PVR: variants seen among roughly 807,000 people sequenced by gnomAD.
The protein encoded by PVR is poliovirus receptor.
PVR carries 39 observed loss-of-function variants against 43.3 expected under a neutral mutation model. That is an observed-to-expected ratio of 0.90 (90% CI 0.70 to 1.18). The LOEUF is 1.18. Ranked by LOEUF, PVR falls within the 50% of genes most tolerant of loss-of-function variation. The probability of loss-of-function intolerance (pLI) is 0.00; values close to 1 mark genes in which losing one functional copy is unlikely to be tolerated. For missense variants in PVR, 480 were observed against 549.7 expected, an observed-to-expected ratio of 0.87 and a Z score of 1.27; for synonymous variants, 224 against 233.2, an observed-to-expected ratio of 0.96 and a Z score of 0.36.
Position 44,657,655 on chromosome 19 carries a change from T to G in PVR, c.843-107T>G, listed in dbSNP as rs754781868. On this transcript the variant is annotated intron_variant, in intron 4 of 7. Transcript: ENST00000425690. ...GGGGGCCTCCAGAGTTGCTCTCCGC[T>G]TATGCTATAGAGGGCGTGAGGGTTT... 166 of 1,168,510 alleles carry G rather than the reference T, an allele frequency of 1.4e-4. 1 individual carries two copies. Among genetic ancestry groups the G allele is most frequent in the Non-Finnish European group, 1.8e-4 (150 of 813,538 alleles). The allele number at this position is 1,168,510 out of a possible 1,614,324, so 72.4% of individuals were successfully genotyped here.
intron 1 of PVR, among the ~76,000 whole-genome samples, chr19:44,646,456 C>T (rs116443653): frequency 2.3e-3 from 352 of 152,218 alleles, no homozygotes; most frequent in African/African-American, 7.9e-3. Context: ...GTGAAACCTA[C>T]GACACTGGTG....
chr19:44,658,963 A>C (rs762691641), intron 6 of PVR, 63 bp downstream of exon 6: 2 of 1,505,752 alleles, frequency 1.3e-6, no homozygotes, highest in South Asian at 2.4e-5. Context: ...GAGTCCTTCC[A>C]GTGTGCCTCT....
chr19:44,645,967 C>G (rs540346847), intron 1 of PVR, among the ~76,000 whole-genome samples: 1 of 152,154 alleles, frequency 6.6e-6, no homozygotes, highest in Non-Finnish European at 1.5e-5. Context: ...TCTGACCGCC[C>G]AAGTTCAAAT....
chr19:44,655,101 T>C (rs1031816347), intron 4 of PVR, among the ~76,000 whole-genome samples: 4 of 152,216 alleles, frequency 2.6e-5, no homozygotes, highest in African/African-American at 4.8e-5. Flanking sequence ...CCGCCCTTTT[T>C]TTTTAAAGAA....
At position 44,644,017 on chromosome 19, in the gene PVR, G is replaced by C. The variant is rs1017574979; in HGVS notation, c.-80G>C. On this transcript the variant is annotated 5_prime_UTR_variant, in exon 1 of 8. Coordinates refer to ENST00000425690, the MANE Select transcript of PVR (RefSeq NM_006505.5). The stretch of plus-strand genomic sequence containing the variant: ...GACCTGAGCTCCGGGAGCTGGACTC[G>C]CAGCGACCGCGGCAGAGCGAGCGGG... 3.5e-5 allele frequency: 44 copies of C among 1,261,620 alleles called. No individual in the cohort carries two copies. The highest frequency in any genetic ancestry group is 4.6e-5 in the Non-Finnish European group (43 of 936,504). The allele number at this position is 1,261,620 out of a possible 1,614,324, so 78.2% of individuals were successfully genotyped here. A position where few individuals can be genotyped will look rare whatever the true frequency, so the allele number is the denominator to read the frequency against.
chr19:44,666,114 G>A lies in PVR; in HGVS notation c.*4303G>A, dbSNP rs972947636. ...ATGTTTGAATTTTATTCTAAGTACT[G>A]TCTACAAGTTCTGCAATAAACCTTG... is the stretch of plus-strand genomic sequence containing the variant. On this transcript the variant is annotated 3_prime_UTR_variant, in exon 8 of 8. Transcript: ENST00000425690. The A allele has an allele frequency of 3.9e-5, 6 of 152,148 alleles. No individual in the cohort carries two copies. The highest frequency in any genetic ancestry group is 3.3e-4 in the Admixed American group (5 of 15,274). 9.4% of individuals were successfully genotyped at this position (152,148 alleles called of 1,614,324 possible).
chr19:44,650,935 A>C (rs1166065864), intron 3 of PVR, among the ~76,000 whole-genome samples: 1 of 151,590 alleles, frequency 6.6e-6, no homozygotes, highest in Non-Finnish European at 1.5e-5. Context: ...TAGGGGCATG[A>C]TCATGGTTCC....
chr19:44,656,194 C>T (rs1973440558), intron 4 of PVR, among the ~76,000 whole-genome samples: 1 of 152,166 alleles, frequency 6.6e-6, no homozygotes, highest in African/African-American at 2.4e-5. Flanking sequence ...GAAGGGATTC[C>T]AACATATGTG....
rs61229833 is a variant in PVR, at chr19:44,665,635, CAAAAAA to C, written c.*3844_*3849del. The C allele has an allele frequency of 3.4e-5, 2 of 58,382 alleles. No homozygotes were observed. The highest frequency in any genetic ancestry group is 6.6e-5 in the Non-Finnish European group (2 of 30,326). The allele number at this position is 58,382 out of a possible 1,614,324, so 3.6% of individuals were successfully genotyped here. ...GGTGACAAGAGTGAGACTCTGTCTCCAAAAAAAAAAAAAAAAAAAAAAAAACTGGAT... is the reference window on the plus strand; with the variant it reads ...GGTGACAAGAGTGAGACTCTGTCTCCAAAAAAAAAAAAAAAAAAACTGGAT... On this transcript the variant is annotated 3_prime_UTR_variant, in exon 8 of 8. Transcript: ENST00000425690.
At chr19:44,657,395 C>G (rs979790121) in intron 4 of PVR, among the ~76,000 whole-genome samples, 1 of 152,134 alleles carries the variant, frequency 6.6e-6, no homozygotes, top group Non-Finnish European at 1.5e-5. Flanking sequence ...GGTATGGGAA[C>G]TGACTTAGGG....
Position 44,649,900 on chromosome 19 carries a change from G to A in PVR, c.519G>A (p.Pro173=), listed in dbSNP as rs372932310. ...GCTGCGTCTCCACAGGGGGTCGCCC[G>A]CCAGCCCAAATCACCTGGCACTCAG... is the stretch of plus-strand genomic sequence containing the variant. ...MARCVSTGGR[P]PAQITWHSDL... is the part of the protein sequence containing the mutation. Residue 173 remains proline, a synonymous_variant, in exon 3 of 8, where the codon CCG becomes CCA. Coordinates refer to ENST00000425690, the MANE Select transcript of PVR (RefSeq NM_006505.5). 2.1e-5 allele frequency: 34 copies of A among 1,613,592 alleles called. No homozygotes were observed. Among genetic ancestry groups the A allele is most frequent in the South Asian group, 1.3e-4 (12 of 91,008 alleles).
chr19:44,646,616 C>T (rs144668770), intron 1 of PVR, among the ~76,000 whole-genome samples: 1 of 151,998 alleles, frequency 6.6e-6, no homozygotes, highest in Non-Finnish European at 1.5e-5. Flanking sequence ...AACAAAAATA[C>T]AAAAAATTAG....
chr19:44,647,077 T>TCCCCCCCCCCCCCCCCC, intron 1 of PVR, 146 bp from the exon 2 acceptor site: 4 of 311,374 alleles, frequency 1.3e-5, no homozygotes, highest in South Asian at 5.9e-5. Flanking sequence ...GTGCCCCAGT[T>TCCCCCCCCCCCCCCCCC]CCCCCTCCCC....
rs59590580 is a variant in PVR at position 44,662,231 on chromosome 19, C to A, written c.*420C>A. On this transcript the variant is annotated 3_prime_UTR_variant, in exon 8 of 8. Coordinates refer to ENST00000425690, the MANE Select transcript of PVR (RefSeq NM_006505.5). Reference sequence around the variant, plus strand: ...GTACTGCCAATACTGCCAACCAGAGCAGCTCACTCGAGATCTTTGTGTCCA... The same window carrying A: ...GTACTGCCAATACTGCCAACCAGAGAAGCTCACTCGAGATCTTTGTGTCCA... The A allele has an allele frequency of 1.4e-4, 27 of 186,766 alleles. No homozygotes were observed. In the East Asian group the frequency reaches 3.1e-3, roughly 22 times the overall value. The allele number at this position is 186,766 out of a possible 1,614,324, so 11.6% of individuals were successfully genotyped here.
Position 44,657,869 on chromosome 19 carries a change from C to T in PVR, c.950C>T (p.Ala317Val), listed in dbSNP as rs1486853015. The change falls in exon 5 of 8, where the codon GCC becomes GTC. Residue 317 changes from alanine to valine, a missense_variant. Coordinates refer to ENST00000425690, the MANE Select transcript of PVR (RefSeq NM_006505.5). ...NTTLICNVTN[A>V]LGARQAELTV... The stretch of plus-strand genomic sequence containing the variant: ...ACTTTAATCTGCAACGTCACCAATG[C>T]CCTAGGAGCTCGCCAGGCAGAACTG... 4 of 1,613,802 alleles carry T rather than the reference C, an allele frequency of 2.5e-6. No individual in the cohort carries two copies. In the African/African-American group the frequency reaches 4.0e-5, roughly 16 times the overall value.
At chr19:44,659,713 C>G (rs775404792) in intron 6 of PVR, among the ~76,000 whole-genome samples, 1 of 152,100 alleles carries the variant, frequency 6.6e-6, no homozygotes, top group African/African-American at 2.4e-5. Context: ...AACCCCTGGT[C>G]TCCTGTGATC....
rs1019603356 is a variant in PVR, at chr19:44,660,763, A to G, written c.1151-529A>G. ...GGTCTCAAACTCCTAGACTCCAGCA[A>G]TCCGCCCACCTCAGCCTCCCAGAGT... On this transcript the variant is annotated intron_variant, in intron 6 of 7. Coordinates refer to ENST00000425690, the MANE Select transcript of PVR (RefSeq NM_006505.5). 2.1e-3 allele frequency among the ~76,000 whole-genome samples: 321 copies of G among 152,204 alleles called. 4 individuals carry two copies. The highest frequency in any genetic ancestry group is 7.2e-3 in the African/African-American group (300 of 41,524).
At position 44,661,305 on chromosome 19, in the gene PVR, C is replaced by T. The variant is rs1241045707; in HGVS notation, c.1164C>T (p.Ala388=). The change falls in exon 7 of 8, where the codon GCC becomes GCT. Residue 388 remains alanine (A), a synonymous_variant. Coordinates refer to ENST00000425690, the MANE Select transcript of PVR (RefSeq NM_006505.5). The part of the protein sequence containing the change: ...CHLCPSSTEH[A]SASANGHVSY... ...CTATTTCCCCAGGTACAGAGCATGC[C>T]AGCGCCTCAGCTAATGGGGTAAGTG... is the stretch of plus-strand genomic sequence containing the variant. 6.2e-6 allele frequency: 10 copies of T among 1,614,040 alleles called. No homozygotes were observed. Among genetic ancestry groups the T allele is most frequent in the Non-Finnish European group, 8.5e-6 (10 of 1,179,898 alleles).
rs1973055143 is a variant in PVR at position 44,645,128 on chromosome 19, A to AATATATAATATGTATATT, written c.79+959_79+960insAATATGTATATTATATAT. The stretch of plus-strand genomic sequence containing the variant: ...ATTATAGTAATATATAATATATTAT[A>AATATATAATATGTATATT]ATATATTATATATATTATTATAATA... On this transcript the variant is annotated intron_variant, in intron 1 of 7. Transcript: ENST00000425690. Among the ~76,000 whole-genome samples, 5 of 51,096 alleles carry AATATATAATATGTATATT rather than the reference A, an allele frequency of 9.8e-5. 1 individual carries two copies. Among genetic ancestry groups the AATATATAATATGTATATT allele is most frequent in the African/African-American group, 6.1e-4 (5 of 8,178 alleles). 33.5% of individuals were successfully genotyped at this position (51,096 alleles called of 152,430 possible).
Sources: gnomAD v4.1 joint callset for allele counts (sites outside exome capture counted in the v4.1 genomes callset) on GRCh38, gnomAD v4.1.1 for gene constraint, MANE v1.5 for transcripts, NCBI Gene and HGNC (gene_info 2026-07-23, HGNC 2026-07-21) for gene names.